The following DENND1B variants were observed in gnomAD, a reference collection of about 807,000 sequenced individuals.
DENND1B encodes DENN domain containing 1B, also known as DENN domain-containing protein 1B.
Under a neutral mutation model 90.1 loss-of-function variants are expected in DENND1B, and 59 were observed. The ratio of observed to expected loss-of-function variants is 0.65; its 90% CI spans 0.53 to 0.81. DENND1B has a LOEUF of 0.81. DENND1B is among the 40% of genes least tolerant of loss of function. The pLI is 0.00. For synonymous variants in DENND1B, 337 were observed against 324.6 expected (o/e 1.04, Z -0.41); for missense variants, 862 against 912.6 (o/e 0.94, Z 0.71).
intron 3 of DENND1B, among the ~76,000 whole-genome samples, chr1:197,684,034 A>G (rs16841875): frequency 0.018 from 2,810 of 152,276 alleles, 82 homozygotes; most frequent in African/African-American, 0.063. Context: ...AAAAAATCTG[A>G]ACTCATGTAA....
At chr1:197,615,584 A>C (rs979617920) in intron 11 of DENND1B, among the ~76,000 whole-genome samples, 5 of 150,906 alleles carry the variant, frequency 3.3e-5, no homozygotes, top group Non-Finnish European at 7.4e-5. Flanking sequence ...ATGATCTGTA[A>C]TTTTTTTCCC....
At chr1:197,705,645 AT>A (rs1443123257) in intron 3 of DENND1B, among the ~76,000 whole-genome samples, 19 of 53,336 alleles carry the variant, frequency 3.6e-4, no homozygotes, top group East Asian at 2.0e-3. Context: ...AAAGGTAGAA[AT>A]TTAAAAAAAA....
intron 2 of DENND1B, among the ~76,000 whole-genome samples, chr1:197,742,185 T>C (rs901537113): frequency 1.3e-5 from 2 of 152,182 alleles, no homozygotes; most frequent in African/African-American, 2.4e-5. Flanking sequence ...AAATGCTTTA[T>C]GTTATCAACT....
chr1:197,605,111 T>A (rs142415195), intron 13 of DENND1B, among the ~76,000 whole-genome samples: 3 of 150,956 alleles, frequency 2.0e-5, no homozygotes, highest in Non-Finnish European at 4.5e-5. Context: ...ACACCACCTT[T>A]CAGTATAATT....
intron 3 of DENND1B, chr1:197,690,703 C>A (rs1191224909): frequency 6.3e-6 from 1 of 158,620 alleles, no homozygotes; most frequent in Non-Finnish European, 1.4e-5. Context: ...AAGTATTTGC[C>A]TGAATAGGCC....
chr1:197,748,841 G>A lies in DENND1B; in HGVS notation c.82+24027C>T, dbSNP rs549921823. Among the ~76,000 whole-genome samples, 3 of 152,012 alleles carry A rather than the reference G, an allele frequency of 2.0e-5. No homozygotes were observed. The South Asian group carries it at 6.2e-4, about 32-fold the overall frequency. On this transcript the variant is annotated intron_variant, in intron 2 of 22. Coordinates refer to ENST00000620048, the MANE Select transcript of DENND1B (RefSeq NM_001195215.2). ...CACTATGTTTATGGTAATTTGTTAT[G>A]GCAAAACAAGAAATTAAAACAAGCT...
chr1:197,778,568 TAAG>T (rs1380887363), upstream of DENND1B, among the ~76,000 whole-genome samples: 1 of 151,566 alleles, frequency 6.6e-6, no homozygotes, highest in African/African-American at 2.4e-5. Context: ...TCCCAGATAA[TAAG>T]GAGGCTGAGG....
Position 197,509,600 on chromosome 1 carries a change from G to A in DENND1B, c.*860C>T, listed in dbSNP as rs1667887078. The A allele has an allele frequency of 6.7e-6, 1 of 149,858 alleles. No homozygotes were observed. Among genetic ancestry groups the A allele is most frequent in the African/African-American group, 2.5e-5 (1 of 40,674 alleles). The allele number at this position is 149,858 out of a possible 1,614,324, so 9.3% of individuals were successfully genotyped here. Reference sequence around the variant, plus strand: ...TTGAGATGATGATATGAAGCATTTTGATAGAGAATTATTAGTTAAAAAAAG... The same window carrying A: ...TTGAGATGATGATATGAAGCATTTTAATAGAGAATTATTAGTTAAAAAAAG... On this transcript the variant is annotated 3_prime_UTR_variant, in exon 23 of 23. Coordinates refer to ENST00000620048, the MANE Select transcript of DENND1B (RefSeq NM_001195215.2).
chr1:197,743,364 A>G (rs1400268179), intron 2 of DENND1B, among the ~76,000 whole-genome samples: 1 of 151,370 alleles, frequency 6.6e-6, no homozygotes, highest in Admixed American at 6.6e-5. Flanking sequence ...ACTGTAGTCT[A>G]TTAAGTGTGC....
chr1:197,622,144 C>T (rs577402446), intron 10 of DENND1B, among the ~76,000 whole-genome samples: 1 of 151,356 alleles, frequency 6.6e-6, no homozygotes, highest in South Asian at 2.1e-4. Flanking sequence ...ACTTCTGGTC[C>T]CAGGTCACCA....
At position 197,753,081 on chromosome 1, in the gene DENND1B, C is replaced by CA. The variant is rs1003445705; in HGVS notation, c.82+19786dup. 7.8e-4 allele frequency among the ~76,000 whole-genome samples: 118 copies of CA among 151,442 alleles called. 1 individual carries two copies. Among genetic ancestry groups the CA allele is most frequent in the Admixed American group, 1.4e-3 (22 of 15,218 alleles). ...CCAAGTTCAAAGACTAATTTGACTACAAAAAAATTTAAACTTCTGAATAAA... is the reference window on the plus strand; with the variant it reads ...CCAAGTTCAAAGACTAATTTGACTACAAAAAAAATTTAAACTTCTGAATAAA... On this transcript the variant is annotated intron_variant, in intron 2 of 22. Transcript: ENST00000620048.
chr1:197,620,701 T>G (rs904383139), intron 10 of DENND1B, among the ~76,000 whole-genome samples: 2 of 151,366 alleles, frequency 1.3e-5, no homozygotes, highest in African/African-American at 4.8e-5. Context: ...ATAATTTTTT[T>G]GCTTAATTCA....
intron 20 of DENND1B, among the ~76,000 whole-genome samples, chr1:197,520,339 G>A (rs2125610879): frequency 6.6e-6 from 1 of 151,998 alleles, no homozygotes; most frequent in East Asian, 1.9e-4. Flanking sequence ...ACATATAGTA[G>A]AGCAGTTATA....
At position 197,540,716 on chromosome 1, in the gene DENND1B, A is replaced by G. The variant is rs185792696; in HGVS notation, c.1407+243T>C. 6.0e-3 allele frequency among the ~76,000 whole-genome samples: 910 copies of G among 152,314 alleles called. 9 individuals are homozygous for G. The highest frequency in any genetic ancestry group is 0.02 in the African/African-American group (850 of 41,582). The stretch of plus-strand genomic sequence containing the variant: ...ACTTTATGAAAACATACATCCTGTT[A>G]AAACATCTTTGAAGATTTCCATAGT... On this transcript the variant is annotated intron_variant, in intron 19 of 22. Coordinates refer to ENST00000620048, the MANE Select transcript of DENND1B (RefSeq NM_001195215.2).
chr1:197,669,954 T>C (rs953956263), intron 5 of DENND1B, among the ~76,000 whole-genome samples: 1 of 152,124 alleles, frequency 6.6e-6, no homozygotes. Flanking sequence ...TCAAAGAATA[T>C]ACCACAAAAT....
At chr1:197,722,043 G>C (rs1661230331) in intron 2 of DENND1B, among the ~76,000 whole-genome samples, 1 of 152,034 alleles carries the variant, frequency 6.6e-6, no homozygotes. Flanking sequence ...ATGTCCTTTT[G>C]TACTTTTCCA....
intron 10 of DENND1B, among the ~76,000 whole-genome samples, chr1:197,622,748 T>C (rs1254903913): frequency 6.6e-6 from 1 of 151,476 alleles, no homozygotes; most frequent in East Asian, 1.9e-4. Flanking sequence ...TGTCTATGAG[T>C]ACACCTAAGT....
intron 15 of DENND1B, among the ~76,000 whole-genome samples, chr1:197,573,873 C>T (rs748258144): frequency 6.6e-6 from 1 of 152,132 alleles, no homozygotes; most frequent in Admixed American, 6.5e-5. Context: ...TCAATAGATG[C>T]AGAAAAGGCC....
intron 20 of DENND1B, among the ~76,000 whole-genome samples, chr1:197,539,285 C>A (rs949556037): frequency 1.3e-5 from 2 of 152,264 alleles, no homozygotes; most frequent in Non-Finnish European, 2.9e-5. Context: ...GCTTTGCAGC[C>A]ACTTCCAGTT....
Sources: allele counts gnomAD v4.1 joint callset (sites outside exome capture counted in the v4.1 genomes callset), GRCh38; gene constraint gnomAD v4.1.1; transcripts MANE v1.5; gene names NCBI Gene and HGNC (gene_info 2026-07-23, HGNC 2026-07-21).